The following SHROOM3 variants were observed in gnomAD, a reference collection of about 807,000 sequenced individuals.
SHROOM3 encodes the protein shroom family member 3, also known as protein Shroom3.
SHROOM3 carries 47 observed loss-of-function variants against 138.6 expected under a neutral mutation model. That is an observed-to-expected ratio of 0.34 (90% CI 0.27 to 0.43). SHROOM3 has a LOEUF of 0.43. SHROOM3 is among the 20% of genes least tolerant of loss of function. The pLI, the probability that SHROOM3 is intolerant of heterozygous loss-of-function variation, is 1.00. For synonymous variants in SHROOM3, 1,062 were observed against 1,063.3 expected, an observed-to-expected ratio of 1.00 and a Z score of 0.02; for missense variants, 2,491 against 2,596.5, an observed-to-expected ratio of 0.96 and a Z score of 0.88.
intron 2 of SHROOM3, among the ~76,000 whole-genome samples, chr4:76,637,334 G>A (rs536520712): frequency 9.2e-5 from 14 of 152,268 alleles, no homozygotes; most frequent in South Asian, 4.2e-4. Context: ...TCTGTTTCCC[G>A]TTGTTTTTCT....
rs906696716 is a variant in SHROOM3, at chr4:76,502,128, A to C, written c.169-53481A>C. On this transcript the variant is annotated intron_variant, in intron 1 of 10. Transcript: ENST00000296043. ...AGGAAGAGAGACTCAGCTCTCTGGC[A>C]TGTGATGCCCTGTGCCGTCTCGGGA... 3.3e-5 allele frequency among the ~76,000 whole-genome samples: 5 copies of C among 152,298 alleles called. No individual in the cohort carries two copies. The South Asian group carries it at 1.0e-3, about 32-fold the overall frequency.
chr4:76,569,979 G>T lies in SHROOM3; in HGVS notation c.323+14216G>T, dbSNP rs184335959. ...AAGGATGAGATCAGTGTCCATTTGA[G>T]CAACTCCGTGGTTATTCTTCAAAGT... On this transcript the variant is annotated intron_variant, in intron 2 of 10. Coordinates refer to ENST00000296043, the MANE Select transcript of SHROOM3 (RefSeq NM_020859.4). Among the ~76,000 whole-genome samples the T allele has an allele frequency of 1.3e-3, 202 of 152,262 alleles. 1 individual carries two copies. Among genetic ancestry groups the T allele is most frequent in the Middle Eastern group, 6.8e-3 (2 of 294 alleles).
At chr4:76,486,022 T>A (rs550458089) in intron 1 of SHROOM3, among the ~76,000 whole-genome samples, 2 of 152,328 alleles carry the variant, frequency 1.3e-5, no homozygotes, top group Admixed American at 6.5e-5. Flanking sequence ...TTATTTATTT[T>A]TTGCGTTTTT....
chr4:76,545,415 G>C (rs371100028), intron 1 of SHROOM3, among the ~76,000 whole-genome samples: 18 of 152,266 alleles, frequency 1.2e-4, no homozygotes, highest in African/African-American at 4.3e-4. Flanking sequence ...AGCTCATTTG[G>C]ATGGTCCATA....
chr4:76,453,863 A>G (rs1393572631), intron 1 of SHROOM3, among the ~76,000 whole-genome samples: 3 of 152,178 alleles, frequency 2.0e-5, no homozygotes, highest in Non-Finnish European at 4.4e-5. Flanking sequence ...CTTTTGATGC[A>G]TGAAAGTTTT....
intron 1 of SHROOM3, among the ~76,000 whole-genome samples, chr4:76,447,876 A>C (rs566776535): frequency 1.3e-5 from 2 of 152,198 alleles, no homozygotes; most frequent in South Asian, 2.1e-4. Context: ...TAAGTCAATA[A>C]ATTTGACCTT....
At chr4:76,602,258 A>G (rs527581563) in intron 2 of SHROOM3, among the ~76,000 whole-genome samples, 3 of 152,274 alleles carry the variant, frequency 2.0e-5, no homozygotes, top group Admixed American at 6.5e-5. Flanking sequence ...AGAAAACTCA[A>G]ATGATTTTAA....
At chr4:76,599,488 A>C (rs1229090845) in intron 2 of SHROOM3, among the ~76,000 whole-genome samples, 2 of 152,196 alleles carry the variant, frequency 1.3e-5, no homozygotes, top group African/African-American at 4.8e-5. Context: ...TTCAAGATGA[A>C]AATAATATAA....
At chr4:76,456,234 T>C (rs1731024398) in intron 1 of SHROOM3, among the ~76,000 whole-genome samples, 1 of 152,178 alleles carries the variant, frequency 6.6e-6, no homozygotes, top group African/African-American at 2.4e-5. Flanking sequence ...CTTGATCTCC[T>C]GACCTCATGA....
intron 9 of SHROOM3, among the ~76,000 whole-genome samples, chr4:76,761,774 G>A (rs529453450): frequency 3.3e-5 from 5 of 152,266 alleles, no homozygotes; most frequent in Admixed American, 2.6e-4. Context: ...CGAGTCATTT[G>A]GAGTGCCTTT....
At position 76,740,510 on chromosome 4, in the gene SHROOM3, C is replaced by G. The variant is rs1439999035; in HGVS notation, c.2337C>G (p.Cys779Trp). The part of the protein sequence containing the change: ...LQGFQYGKPH[C>W]SVLEKVSKFE... Reference sequence around the variant, plus strand: ...GCTTTCAGTACGGGAAGCCCCACTGCTCGGTGCTGGAGAAGGTCTCCAAAT... The same window carrying G: ...GCTTTCAGTACGGGAAGCCCCACTGGTCGGTGCTGGAGAAGGTCTCCAAAT... The change falls in exon 5 of 11, where the codon TGC becomes TGG. Residue 779 changes from cysteine (C) to tryptophan (W), a missense_variant. By Grantham distance (215) the Cys-to-Trp change is radical. Around this residue, in one of 4 missense-constraint regions of SHROOM3, gnomAD observed 1,733 missense variants for 1,661.6 expected, o/e 1.04. Transcript: ENST00000296043. The surrounding 1 kb of genome is among the most constrained non-coding windows in gnomAD (Gnocchi z 4.0). 1 of 1,613,886 alleles carries G rather than the reference C, an allele frequency of 6.2e-7. No individual in the cohort carries two copies.
chr4:76,474,428 C>G (rs900613403), intron 1 of SHROOM3, among the ~76,000 whole-genome samples: 4 of 152,030 alleles, frequency 2.6e-5, no homozygotes, highest in African/African-American at 9.7e-5. Flanking sequence ...GCTGAATATT[C>G]TGGTAAGTGA....
intron 2 of SHROOM3, among the ~76,000 whole-genome samples, chr4:76,596,075 A>G (rs754941122): frequency 3.3e-5 from 5 of 152,134 alleles, no homozygotes; most frequent in African/African-American, 4.8e-5. Flanking sequence ...CTCTCTGTCT[A>G]TATACTGTCA....
intron 3 of SHROOM3, chr4:76,716,331 A>G (rs1421392984): frequency 5.8e-6 from 3 of 519,012 alleles, no homozygotes; most frequent in South Asian, 2.8e-5. Context: ...GCAGGGCAGA[A>G]TGGCTTTTTA....
intron 1 of SHROOM3, among the ~76,000 whole-genome samples, chr4:76,477,566 G>C (rs1318407680): frequency 6.6e-6 from 1 of 152,078 alleles, no homozygotes; most frequent in East Asian, 1.9e-4. Flanking sequence ...TGTTTGTATA[G>C]GTGGTATATG....
intron 3 of SHROOM3, among the ~76,000 whole-genome samples, chr4:76,718,178 T>C (rs566543189): frequency 3.8e-4 from 58 of 152,364 alleles, no homozygotes; most frequent in Non-Finnish European, 6.2e-4. Context: ...TCAAATTTGC[T>C]CATCTATATA....
intron 5 of SHROOM3, 199 bp downstream of exon 5, chr4:76,742,125 TAGATTACGTATGTTGTTATAC>T (rs1412850875): frequency 5.6e-6 from 4 of 712,102 alleles, no homozygotes; most frequent in Non-Finnish European, 9.9e-6. Flanking sequence ...TATAGGTATC[TAGATTACGTATGTTGTTATAC>T]AGATTCTCTA....
At chr4:76,728,934 A>C (rs1038507993) in intron 3 of SHROOM3, among the ~76,000 whole-genome samples, 3 of 152,156 alleles carry the variant, frequency 2.0e-5, no homozygotes, top group African/African-American at 7.2e-5. Context: ...CATCAGCACC[A>C]GCAGTTCCTG....
chr4:76,481,868 G>A (rs542829845), intron 1 of SHROOM3, among the ~76,000 whole-genome samples: 15 of 152,206 alleles, frequency 9.9e-5, no homozygotes, highest in South Asian at 8.3e-4. Flanking sequence ...ATCAATAAAC[G>A]TAGTCCATCA....
Sources: gnomAD v4.1 joint callset for allele counts (sites outside exome capture counted in the v4.1 genomes callset) on GRCh38, gnomAD v4.1.1 for gene constraint, gnomAD v4.1.1 regional missense constraint, Gnocchi (gnomAD v3.1) non-coding constraint, MANE v1.5 for transcripts, NCBI Gene and HGNC (gene_info 2026-07-23, HGNC 2026-07-21) for gene names.